The following ANKS1B variants were observed in gnomAD, a reference collection of about 807,000 sequenced individuals.
The protein encoded by ANKS1B is ankyrin repeat and sterile alpha motif domain containing 1B.
Under a neutral mutation model 148.3 loss-of-function variants are expected in ANKS1B, and 36 were observed. The ratio of observed to expected loss-of-function variants is 0.24; its 90% CI spans 0.19 to 0.32. ANKS1B has a LOEUF of 0.32. Among genes scored for constraint, ANKS1B ranks in the 10% least tolerant of loss-of-function variants. The pLI is 1.00. For synonymous variants in ANKS1B, 542 were observed against 560.8 expected (o/e 0.97, Z 0.47); for missense variants, 1,157 against 1,542.6 (o/e 0.75, Z 4.19).
chr12:99,918,571 C>T (rs1158619113), intron 1 of ANKS1B, among the ~76,000 whole-genome samples: 1 of 152,166 alleles, frequency 6.6e-6, no homozygotes, highest in Non-Finnish European at 1.5e-5. Flanking sequence ...CAGAACTTGA[C>T]CCTGGGCAGT....
chr12:99,872,714 T>C (rs186553581), intron 1 of ANKS1B, among the ~76,000 whole-genome samples: 27 of 152,286 alleles, frequency 1.8e-4, no homozygotes, highest in South Asian at 8.3e-4. Flanking sequence ...GATTAGAAAT[T>C]AGTGCCCTAG....
chr12:99,013,743 T>C (rs2099940809), intron 17 of ANKS1B, among the ~76,000 whole-genome samples: 1 of 152,106 alleles, frequency 6.6e-6, no homozygotes, highest in African/African-American at 2.4e-5. Context: ...AGCCAAATCA[T>C]GAACTCTCAT....
intron 9 of ANKS1B, among the ~76,000 whole-genome samples, chr12:99,608,821 T>C (rs143328159): frequency 2.0e-5 from 3 of 152,142 alleles, no homozygotes; most frequent in Non-Finnish European, 2.9e-5. Flanking sequence ...ATTACCAGAA[T>C]GCTGATGTTT....
At chr12:99,533,742 G>A (rs1567293364) in intron 9 of ANKS1B, among the ~76,000 whole-genome samples, 2 of 152,106 alleles carry the variant, frequency 1.3e-5, no homozygotes, top group African/African-American at 2.4e-5. Context: ...GTGAGCTAGT[G>A]CTCCATTTGG....
intron 4 of ANKS1B, among the ~76,000 whole-genome samples, chr12:99,783,190 C>CAA (rs766608067): frequency 1.8e-4 from 11 of 62,426 alleles, no homozygotes; most frequent in South Asian, 5.0e-4. Flanking sequence ...GAATCCATCG[C>CAA]AAAAAAAAAA....
chr12:99,923,709 C>A (rs979266740), intron 1 of ANKS1B, among the ~76,000 whole-genome samples: 1 of 152,100 alleles, frequency 6.6e-6, no homozygotes, highest in Admixed American at 6.6e-5. Flanking sequence ...CTCTATCCCC[C>A]TAGTAGAAAC....
intron 14 of ANKS1B, among the ~76,000 whole-genome samples, chr12:99,195,927 TATG>T (rs1171316022): frequency 6.6e-6 from 1 of 152,072 alleles, no homozygotes; most frequent in Non-Finnish European, 1.5e-5. Context: ...ACTTAACCAT[TATG>T]ATGTGATTTA....
chr12:99,451,786 C>T (rs906259835), intron 10 of ANKS1B, among the ~76,000 whole-genome samples: 5 of 150,428 alleles, frequency 3.3e-5, no homozygotes, highest in East Asian at 2.0e-4. Flanking sequence ...TGTACAGATA[C>T]GTGTGTGTGT....
chr12:98,925,164 C>G (rs1387826682), intron 17 of ANKS1B, among the ~76,000 whole-genome samples: 1 of 152,134 alleles, frequency 6.6e-6, no homozygotes, highest in East Asian at 1.9e-4. Context: ...AGGAAGAGGA[C>G]ATTTCTTAAA....
chr12:99,002,188 T>C (rs1007089299), intron 17 of ANKS1B, among the ~76,000 whole-genome samples: 2 of 152,210 alleles, frequency 1.3e-5, no homozygotes, highest in African/African-American at 4.8e-5. Flanking sequence ...GATTTTATTA[T>C]ATAGCAGTGT....
intron 9 of ANKS1B, among the ~76,000 whole-genome samples, chr12:99,591,221 T>C (rs890740108): frequency 1.7e-4 from 26 of 152,174 alleles, no homozygotes; most frequent in African/African-American, 6.0e-4. Flanking sequence ...ATTATGAAAT[T>C]TTCTTTTATA....
At chr12:99,248,373 G>A (rs1019777081) in intron 12 of ANKS1B, among the ~76,000 whole-genome samples, 8 of 152,080 alleles carry the variant, frequency 5.3e-5, no homozygotes, top group Non-Finnish European at 7.4e-5. Context: ...TGCCTGCCCA[G>A]CTATCATACC....
chr12:99,599,353 T>C (rs968960352), intron 9 of ANKS1B, among the ~76,000 whole-genome samples: 4 of 151,792 alleles, frequency 2.6e-5, no homozygotes, highest in East Asian at 1.9e-4. Flanking sequence ...AGGGGTAAAA[T>C]AGAAGAAACT....
At chr12:98,762,235 C>G (rs937702234) in intron 25 of ANKS1B, among the ~76,000 whole-genome samples, 2 of 152,226 alleles carry the variant, frequency 1.3e-5, no homozygotes, top group Non-Finnish European at 2.9e-5. Context: ...GGCTACCTAC[C>G]TACAGCACCT....
Position 99,023,889 on chromosome 12 carries a change from A to G in ANKS1B, c.2778+29268T>C, listed in dbSNP as rs904372952. Among the ~76,000 whole-genome samples the G allele has an allele frequency of 2.0e-5, 3 of 149,530 alleles. No homozygotes were observed. The East Asian group carries it at 5.8e-4, about 29-fold the overall frequency. ...TATATATACATGTGTATTTATATGC[A>G]TATTGCCTGTGTATATAAAATTAAT... On this transcript the variant is annotated intron_variant, in intron 17 of 26. Coordinates refer to ENST00000683438, the MANE Select transcript of ANKS1B (RefSeq NM_001352186.2).
Position 99,632,744 on chromosome 12 carries a change from T to G in ANKS1B, c.1272+22323A>C, listed in dbSNP as rs1226167123. The stretch of plus-strand genomic sequence containing the variant: ...TTTTCTTTCTATATATATATATATA[T>G]ATATATATATATATATATATATATT... On this transcript the variant is annotated intron_variant, in intron 9 of 26. Coordinates refer to ENST00000683438, the MANE Select transcript of ANKS1B (RefSeq NM_001352186.2). 3.2e-4 allele frequency among the ~76,000 whole-genome samples: 32 copies of G among 100,662 alleles called. 2 individuals are homozygous for G. The East Asian group carries it at 5.7e-3, about 18-fold the overall frequency. The allele number at this position is 100,662 out of a possible 152,430, so 66.0% of individuals were successfully genotyped here.
intron 9 of ANKS1B, among the ~76,000 whole-genome samples, chr12:99,543,445 T>C (rs2097145319): frequency 6.6e-6 from 1 of 152,132 alleles, no homozygotes; most frequent in African/African-American, 2.4e-5. Context: ...AGAGTTACCA[T>C]ATGACTCCAA....
At chr12:98,762,521 C>T (rs1221839437) in intron 25 of ANKS1B, among the ~76,000 whole-genome samples, 3 of 152,232 alleles carry the variant, frequency 2.0e-5, no homozygotes, top group Admixed American at 6.5e-5. Flanking sequence ...CCAGCAATCA[C>T]CCCTAAATGC....
intron 8 of ANKS1B, among the ~76,000 whole-genome samples, chr12:99,700,923 CCTG>C (rs758779216): frequency 3.9e-5 from 6 of 152,120 alleles, no homozygotes; most frequent in Non-Finnish European, 7.4e-5. Context: ...CCAATCCCCA[CCTG>C]CTGAACTGGT....
Sources: gnomAD v4.1 joint callset for allele counts (sites outside exome capture counted in the v4.1 genomes callset) on GRCh38, gnomAD v4.1.1 for gene constraint, MANE v1.5 for transcripts, NCBI Gene and HGNC (gene_info 2026-07-23, HGNC 2026-07-21) for gene names.